Variants in CCSER1 observed in about 807,000 individuals in gnomAD.
The protein encoded by CCSER1 is coiled-coil serine rich protein 1, also known as serine-rich coiled-coil domain-containing protein 1.
CCSER1 carries 41 observed loss-of-function variants against 82.0 expected under a neutral mutation model. That is an observed-to-expected ratio of 0.50 (90% CI 0.39 to 0.65). CCSER1 has a LOEUF of 0.65. Among genes scored for constraint, CCSER1 ranks in the 30% least tolerant of loss-of-function variants. The pLI, the probability that CCSER1 is intolerant of heterozygous loss-of-function variation, is 0.00. For synonymous variants in CCSER1, 414 were observed against 383.9 expected (o/e 1.08, Z -0.92); for missense variants, 1,119 against 1,064.2 (o/e 1.05, Z -0.72).
At chr4:90,201,599 A>G (rs1737720000) in intron 1 of CCSER1, among the ~76,000 whole-genome samples, 1 of 151,282 alleles carries the variant, frequency 6.6e-6, no homozygotes, top group Non-Finnish European at 1.5e-5. Flanking sequence ...TTTATACTAA[A>G]TCTTTGAAAT....
intron 1 of CCSER1, among the ~76,000 whole-genome samples, chr4:90,135,754 T>C (rs1723576010): frequency 6.6e-6 from 1 of 152,240 alleles, no homozygotes; most frequent in Non-Finnish European, 1.5e-5. Flanking sequence ...AAGATAGTCA[T>C]GCATCATCAT....
chr4:90,351,472 C>T (rs964001302), intron 3 of CCSER1, among the ~76,000 whole-genome samples: 7 of 151,974 alleles, frequency 4.6e-5, no homozygotes, highest in Non-Finnish European at 8.8e-5. Flanking sequence ...TCTAATGATA[C>T]CATACACTTG....
At chr4:91,159,409 T>C (rs1342227836) in intron 10 of CCSER1, among the ~76,000 whole-genome samples, 2 of 151,946 alleles carry the variant, frequency 1.3e-5, no homozygotes, top group East Asian at 3.8e-4. Flanking sequence ...TGTTTTCCGA[T>C]AAAAATATCT....
At chr4:91,161,896 C>A (rs1001014679) in intron 10 of CCSER1, among the ~76,000 whole-genome samples, 2 of 152,082 alleles carry the variant, frequency 1.3e-5, no homozygotes, top group African/African-American at 4.8e-5. Flanking sequence ...GACAATTTGA[C>A]TTCCTCTTTT....
chr4:90,194,964 A>G (rs1468506364), intron 1 of CCSER1, among the ~76,000 whole-genome samples: 2 of 152,102 alleles, frequency 1.3e-5, no homozygotes, highest in African/African-American at 2.4e-5. Flanking sequence ...TGTAAGATAT[A>G]AAAAAGGTTG....
chr4:90,493,076 G>C (rs927706281), intron 5 of CCSER1, among the ~76,000 whole-genome samples: 7 of 152,120 alleles, frequency 4.6e-5, no homozygotes, highest in Admixed American at 1.3e-4. Context: ...TAAATTACCT[G>C]ATGGAGCTGA....
At chr4:91,475,446 C>A (rs1757540051) in intron 10 of CCSER1, among the ~76,000 whole-genome samples, 1 of 151,724 alleles carries the variant, frequency 6.6e-6, no homozygotes, top group Non-Finnish European at 1.5e-5. Flanking sequence ...ACCAATATCC[C>A]AAACTTGTTA....
At chr4:90,222,230 T>C (rs1742283417) in intron 1 of CCSER1, among the ~76,000 whole-genome samples, 1 of 152,176 alleles carries the variant, frequency 6.6e-6, no homozygotes, top group South Asian at 2.1e-4. Flanking sequence ...GAAGATGTCT[T>C]ATTTCTCATT....
chr4:91,478,941 A>G (rs1056284588), intron 10 of CCSER1, among the ~76,000 whole-genome samples: 4 of 151,844 alleles, frequency 2.6e-5, no homozygotes, highest in African/African-American at 9.7e-5. Flanking sequence ...ATTAGCCTAA[A>G]CACACTTTAG....
In CCSER1 at chr4:91,169,897, C is replaced by T. The variant is rs114290169; in HGVS notation, c.2217+83903C>T. Among the ~76,000 whole-genome samples the T allele has an allele frequency of 4.9e-3, 740 of 152,214 alleles. 4 individuals carry two copies. The highest frequency in any genetic ancestry group is 0.017 in the African/African-American group (697 of 41,520). On this transcript the variant is annotated intron_variant, in intron 10 of 10. Transcript: ENST00000509176. ...ATTGTATTGATAAAGTCAATATGCT[C>T]AATGAAAAATTCCATATCTAGGCCT... is the stretch of plus-strand genomic sequence containing the variant.
chr4:91,156,624 A>G (rs957300749), intron 10 of CCSER1, among the ~76,000 whole-genome samples: 2 of 151,880 alleles, frequency 1.3e-5, no homozygotes, highest in Admixed American at 6.6e-5. Context: ...ATTTTGAGCA[A>G]TGATGAGGGT....
chr4:90,814,307 C>G (rs1758729129), intron 7 of CCSER1, among the ~76,000 whole-genome samples: 1 of 152,206 alleles, frequency 6.6e-6, no homozygotes, highest in Admixed American at 6.5e-5. Flanking sequence ...GGAGAGGCTG[C>G]TTCCCTTGTT....
At chr4:90,357,699 A>G (rs1264563689) in intron 3 of CCSER1, among the ~76,000 whole-genome samples, 2 of 152,036 alleles carry the variant, frequency 1.3e-5, no homozygotes, top group African/African-American at 4.8e-5. Context: ...AACAAACTTA[A>G]AATTTGACAA....
chr4:90,265,674 T>A (rs1725112619), intron 1 of CCSER1, among the ~76,000 whole-genome samples: 1 of 152,204 alleles, frequency 6.6e-6, no homozygotes, highest in African/African-American at 2.4e-5. Flanking sequence ...GAGGAGATAT[T>A]TCATACTTAA....
At chr4:91,446,004 T>A (rs1755531284) in intron 10 of CCSER1, among the ~76,000 whole-genome samples, 2 of 152,100 alleles carry the variant, frequency 1.3e-5, no homozygotes, top group Non-Finnish European at 2.9e-5. Context: ...GCTTAGAATA[T>A]ATATTATAAA....
intron 10 of CCSER1, among the ~76,000 whole-genome samples, chr4:91,214,202 C>A (rs1485258447): frequency 2.0e-5 from 3 of 152,146 alleles, no homozygotes. Flanking sequence ...ATTATTCTAT[C>A]TGCCTAACCA....
intron 1 of CCSER1, among the ~76,000 whole-genome samples, chr4:90,178,711 G>A (rs1322816809): frequency 6.6e-6 from 1 of 152,086 alleles, no homozygotes; most frequent in African/African-American, 2.4e-5. Context: ...CAATAGTAAG[G>A]GAACAATAGT....
chr4:90,281,956 G>A (rs1280615769), intron 1 of CCSER1, among the ~76,000 whole-genome samples: 2 of 152,012 alleles, frequency 1.3e-5, no homozygotes, highest in African/African-American at 2.4e-5. Flanking sequence ...CTCACACATT[G>A]TGATGGGATA....
chr4:90,219,237 G>A (rs200762085), intron 1 of CCSER1, among the ~76,000 whole-genome samples: 2 of 152,162 alleles, frequency 1.3e-5, no homozygotes, highest in South Asian at 4.1e-4. Context: ...ATGCACTGAC[G>A]TATTTGTTGG....
Sources: allele counts gnomAD v4.1 joint callset (sites outside exome capture counted in the v4.1 genomes callset), GRCh38; gene constraint gnomAD v4.1.1; transcripts MANE v1.5; gene names NCBI Gene and HGNC (gene_info 2026-07-23, HGNC 2026-07-21).